SFMBT2: variants seen among roughly 807,000 people sequenced by gnomAD.
SFMBT2 encodes scm-like with four MBT domains protein 2.
A neutral mutation model predicts 110.1 loss-of-function variants in SFMBT2; 38 were observed. The ratio of observed to expected loss-of-function variants is 0.35; its 90% CI spans 0.27 to 0.45. SFMBT2 has a LOEUF of 0.45. SFMBT2 is among the 20% of genes least tolerant of loss of function. SFMBT2 has a pLI of 1.00. For synonymous variants in SFMBT2, 425 were observed against 425.4 expected (o/e 1.00, Z 0.01); for missense variants, 1,011 against 1,094.9 (o/e 0.92, Z 1.08).
rs1838632354 is a variant in SFMBT2 at position 7,192,549 on chromosome 10, G to A, written c.1699-3816C>T. 2.6e-5 allele frequency among the ~76,000 whole-genome samples: 4 copies of A among 152,228 alleles called. No individual in the cohort carries two copies. The South Asian group carries it at 8.3e-4, about 32-fold the overall frequency. On this transcript the variant is annotated intron_variant, in intron 15 of 20. Coordinates refer to ENST00000397167, the MANE Select transcript of SFMBT2 (RefSeq NM_001387889.1). The stretch of plus-strand genomic sequence containing the variant: ...GGACAAATGCTCAGAGCTCCACAAT[G>A]AAGGGGAAATTCAAACAGCACATGA...
At chr10:7,236,427 G>C (rs990744821) in intron 9 of SFMBT2, among the ~76,000 whole-genome samples, 6 of 152,082 alleles carry the variant, frequency 3.9e-5, no homozygotes, top group African/African-American at 9.7e-5. Context: ...AATTTGTTCA[G>C]GGCTATACAA....
At chr10:7,176,901 A>G in intron 16 of SFMBT2, among the ~76,000 whole-genome samples, 1 of 152,128 alleles carries the variant, frequency 6.6e-6, no homozygotes, top group East Asian at 1.9e-4. Flanking sequence ...CCGGTGGATG[A>G]GTGGCAGTTA....
Position 7,358,306 on chromosome 10 carries a change from GGAACATCTGCATGGCCCTA to G in SFMBT2, c.436+9324_436+9342del, listed in dbSNP as rs1449863423. Among the ~76,000 whole-genome samples the G allele has an allele frequency of 4.1e-5, 6 of 147,590 alleles. No homozygotes were observed. The South Asian group carries it at 8.6e-4, about 21-fold the overall frequency. ...GGCCCTAGAACATCTGCATGGCCATGGAACATCTGCATGGCCCTAGAACATCTGCATGGCCCTGTGACAT... is the reference window on the plus strand; with the variant it reads ...GGCCCTAGAACATCTGCATGGCCATGGAACATCTGCATGGCCCTGTGACAT... On this transcript the variant is annotated intron_variant, in intron 4 of 20. Transcript: ENST00000397167.
chr10:7,298,481 G>A (rs1380290664), intron 4 of SFMBT2, among the ~76,000 whole-genome samples: 1 of 152,170 alleles, frequency 6.6e-6, no homozygotes, highest in Non-Finnish European at 1.5e-5. Context: ...GTCTCAGTCT[G>A]ACCAGTTATT....
intron 9 of SFMBT2, among the ~76,000 whole-genome samples, chr10:7,228,696 TTTC>T (rs1839980077): frequency 7.7e-6 from 1 of 130,304 alleles, no homozygotes; most frequent in Non-Finnish European, 1.6e-5. Context: ...TCTTTCTTTC[TTTC>T]TTTCTTTCTT....
intron 3 of SFMBT2, 139 bp from the exon 4 acceptor site, chr10:7,368,028 A>G: frequency 1.6e-6 from 2 of 1,275,522 alleles, no homozygotes; most frequent in South Asian, 1.6e-5. Flanking sequence ...TTATCTAAGT[A>G]ATACACTATG....
rs149550746 is a variant in SFMBT2 at position 7,275,572 on chromosome 10, C to T, written c.870+1320G>A. Among the ~76,000 whole-genome samples, 17 of 152,160 alleles carry T rather than the reference C, an allele frequency of 1.1e-4. No individual in the cohort carries two copies. The East Asian group carries it at 2.7e-3, about 24-fold the overall frequency. On this transcript the variant is annotated intron_variant, in intron 7 of 20. Transcript: ENST00000397167. The stretch of plus-strand genomic sequence containing the variant: ...GGCAAAAAATAACAACATTGGCCAC[C>T]ACAACTGTCGGCTTCACTGTCGGTC...
At chr10:7,373,450 C>T (rs961393560) in intron 2 of SFMBT2, among the ~76,000 whole-genome samples, 1 of 152,190 alleles carries the variant, frequency 6.6e-6, no homozygotes, top group Non-Finnish European at 1.5e-5. Context: ...CAGGTATTGC[C>T]TCACAATCCT....
intron 12 of SFMBT2, chr10:7,205,545 T>C (rs1839102060): frequency 1.1e-5 from 11 of 985,410 alleles, no homozygotes; most frequent in Non-Finnish European, 1.2e-5. Flanking sequence ...ATGAATTGTA[T>C]AAAAAACTGA....
chr10:7,371,121 T>G (rs1845052759), intron 2 of SFMBT2, among the ~76,000 whole-genome samples: 2 of 152,142 alleles, frequency 1.3e-5, no homozygotes, highest in South Asian at 2.1e-4. Context: ...GGGTATTTTG[T>G]TTTTTGTTTT....
intron 4 of SFMBT2, among the ~76,000 whole-genome samples, chr10:7,304,161 A>AATTCACTTGTGTCTTG (rs1362515469): frequency 6.6e-6 from 1 of 152,168 alleles, no homozygotes; most frequent in African/African-American, 2.4e-5. Context: ...TAGCTCCCAC[A>AATTCACTTGTGTCTTG]ATTCACTTGT....
At chr10:7,286,679 C>T (rs1365934674) in intron 4 of SFMBT2, among the ~76,000 whole-genome samples, 1 of 152,096 alleles carries the variant, frequency 6.6e-6, no homozygotes, top group Non-Finnish European at 1.5e-5. Flanking sequence ...GAAAGATGTA[C>T]ATAGGTTATG....
intron 4 of SFMBT2, among the ~76,000 whole-genome samples, chr10:7,308,731 G>A (rs944903708): frequency 5.9e-5 from 9 of 152,114 alleles, no homozygotes; most frequent in South Asian, 2.1e-4. Flanking sequence ...TTAACGTGCT[G>A]GGGAAGCTAC....
chr10:7,260,596 T>C (rs538542296), intron 7 of SFMBT2, among the ~76,000 whole-genome samples: 2 of 152,210 alleles, frequency 1.3e-5, no homozygotes, highest in East Asian at 3.9e-4. Context: ...CTGACCCAAA[T>C]TGGTCACAAA....
chr10:7,223,185 T>C (rs1380832247), intron 10 of SFMBT2, among the ~76,000 whole-genome samples: 1 of 152,220 alleles, frequency 6.6e-6, no homozygotes, highest in Non-Finnish European at 1.5e-5. Context: ...TAAATGAATA[T>C]TTAACCTTCT....
intron 8 of SFMBT2, chr10:7,244,309 C>T (rs757265657): frequency 1.3e-5 from 3 of 228,674 alleles, no homozygotes; most frequent in Non-Finnish European, 2.2e-5. Context: ...TTCAATGCTT[C>T]TGATCTGGCT....
At position 7,202,473 on chromosome 10, in the gene SFMBT2, C is replaced by G. The variant is rs780440812; in HGVS notation, c.1487+7G>C. 13 of 1,614,016 alleles carry G rather than the reference C, an allele frequency of 8.1e-6. No homozygotes were observed. In the African/African-American group the frequency reaches 1.6e-4, roughly 20 times the overall value. On this transcript the variant is annotated splice_region_variant and intron_variant, in intron 13 of 20. Transcript: ENST00000397167. ...CAGTGTAGTCTGGAGGGGAAAAAAG[C>G]ACGTACTGTTTCTCTGGTTGCACGA...
At chr10:7,193,799 T>C (rs984096717) in intron 15 of SFMBT2, among the ~76,000 whole-genome samples, 2 of 152,232 alleles carry the variant, frequency 1.3e-5, no homozygotes, top group African/African-American at 2.4e-5. Context: ...AAAAATTTCC[T>C]GAACACCTCG....
intron 4 of SFMBT2, among the ~76,000 whole-genome samples, chr10:7,366,512 C>A (rs977256176): frequency 2.0e-5 from 3 of 151,586 alleles, no homozygotes; most frequent in East Asian, 1.9e-4. Flanking sequence ...ACAGAATGAA[C>A]CTGGGGATTT....
Sources: gnomAD v4.1 joint callset for allele counts (sites outside exome capture counted in the v4.1 genomes callset) on GRCh38, gnomAD v4.1.1 for gene constraint, MANE v1.5 for transcripts, NCBI Gene and HGNC (gene_info 2026-07-23, HGNC 2026-07-21) for gene names.